RYR2: variants seen among roughly 807,000 people sequenced by gnomAD.
The protein encoded by RYR2 is cardiac muscle ryanodine receptor-calcium release channel.
RYR2 carries 227 observed loss-of-function variants against 601.1 expected under a neutral mutation model. The ratio of observed to expected loss-of-function variants is 0.38; its 90% CI spans 0.34 to 0.42. The LOEUF (loss-of-function observed/expected upper bound fraction) is 0.42. Ranked by LOEUF, RYR2 falls within the 10% of genes least tolerant of loss-of-function variation. RYR2 has a pLI of 1.00. For missense variants in RYR2, 4,646 were observed against 6,156.5 expected (o/e 0.75, Z 8.21); for synonymous variants, 2,223 against 2,175.1 (o/e 1.02, Z -0.61).
intron 16 of RYR2, among the ~76,000 whole-genome samples, chr1:237,457,595 C>T (rs1340092413): frequency 3.3e-5 from 5 of 152,186 alleles, no homozygotes; most frequent in African/African-American, 1.2e-4. Flanking sequence ...CCTGCACATG[C>T]AGCTAGTTGA....
chr1:237,265,390 C>T (rs1159537085), intron 1 of RYR2, among the ~76,000 whole-genome samples: 5 of 152,052 alleles, frequency 3.3e-5, no homozygotes, highest in East Asian at 1.9e-4. Flanking sequence ...AGCACAATCT[C>T]GGATCACTGC....
At chr1:237,654,227 A>T (rs768957110) in intron 51 of RYR2, 47 bp from the exon 52 acceptor site, 2 of 1,591,380 alleles carry the variant, frequency 1.3e-6, no homozygotes, top group South Asian at 2.3e-5. Context: ...AAAAAAATAT[A>T]AAAGGTTTTG....
At chr1:237,738,823 A>G (rs578260806) in intron 79 of RYR2, among the ~76,000 whole-genome samples, 17 of 152,208 alleles carry the variant, frequency 1.1e-4, no homozygotes, top group African/African-American at 4.1e-4. Context: ...ATTCTTATCC[A>G]TTTCACCTAT....
rs550799841 is a variant in RYR2 at position 237,308,545 on chromosome 1, C to T, written c.169-22333C>T. The stretch of plus-strand genomic sequence containing the variant: ...TCAAGAATGAAGCCGCGGACCCTTG[C>T]GGTGAGTGTTACAGTTCTTAAAGGT... On this transcript the variant is annotated intron_variant, in intron 2 of 104. Transcript: ENST00000366574. Among the ~76,000 whole-genome samples the T allele has an allele frequency of 1.5e-4, 23 of 152,178 alleles. 2 individuals are homozygous for T. Among genetic ancestry groups the T allele is most frequent in the Admixed American group, 1.1e-3 (17 of 15,290 alleles).
chr1:237,436,795 T>C lies in RYR2; in HGVS notation c.1006-4524T>C, dbSNP rs1205523408. On this transcript the variant is annotated intron_variant, in intron 12 of 104. Transcript: ENST00000366574. ...ATTTTAACTATGCTAGAAGAATTCC[T>C]CTGAACCGCATGCTCTGTATTATAA... Among the ~76,000 whole-genome samples the C allele has an allele frequency of 3.3e-5, 5 of 151,180 alleles. No individual in the cohort carries two copies. The East Asian group carries it at 7.8e-4, about 24-fold the overall frequency.
chr1:237,822,554 G>A (rs1049110607), intron 101 of RYR2, among the ~76,000 whole-genome samples: 9 of 151,996 alleles, frequency 5.9e-5, no homozygotes, highest in African/African-American at 1.4e-4. Context: ...AGGAACAACC[G>A]GTACCAGCCA....
In RYR2 at chr1:237,655,670, T is replaced by G. The variant is rs549117705; in HGVS notation, c.7966-151T>G. 1.6e-4 allele frequency: 108 copies of G among 659,052 alleles called. No individual in the cohort carries two copies. The African/African-American group carries it at 1.8e-3, about 11-fold the overall frequency. The allele number at this position is 659,052 out of a possible 1,614,324, so 40.8% of individuals were successfully genotyped here. Reference sequence around the variant, plus strand: ...CTGTTTGATGGGGTTTTAGGCCCTGTGTTTCATTTTCTGGAAAAAGAATGA... The same window carrying G: ...CTGTTTGATGGGGTTTTAGGCCCTGGGTTTCATTTTCTGGAAAAAGAATGA... On this transcript the variant is annotated intron_variant, in intron 52 of 104. Transcript: ENST00000366574.
In RYR2 at chr1:237,480,669, A is replaced by C. The variant is rs969865838; in HGVS notation, c.1709-11137A>C. On this transcript the variant is annotated intron_variant, in intron 17 of 104. Transcript: ENST00000366574. ...CCTAATTAAGGCTGCATAGTACATT[A>C]TAATTACAGTGCTCATTTTGTGTGT... Among the ~76,000 whole-genome samples, 11 of 152,172 alleles carry C rather than the reference A, an allele frequency of 7.2e-5. No individual in the cohort carries two copies. The East Asian group carries it at 2.1e-3, about 29-fold the overall frequency.
chr1:237,624,800 A>G (rs1182981021), intron 39 of RYR2, among the ~76,000 whole-genome samples: 1 of 152,158 alleles, frequency 6.6e-6, no homozygotes, highest in Non-Finnish European at 1.5e-5. Context: ...TGATTCAATG[A>G]AAGAAAATGA....
Position 237,550,670 on chromosome 1 carries a change from G to A in RYR2, c.3193G>A (p.Glu1065Lys). The A allele has an allele frequency of 1.3e-6, 2 of 1,560,406 alleles. No homozygotes were observed. Among genetic ancestry groups the A allele is most frequent in the Non-Finnish European group, 1.7e-6 (2 of 1,152,054 alleles). ...RTLLGYGYNL[E>K]APDQDHAARA... ...GCTGCTGGGGTACGGCTACAACTTG[G>A]AAGCACCAGATCAAGATCATGGTAT... The change falls in exon 27 of 105, where the codon GAA becomes AAA. Residue 1065 changes from glutamate (E) to lysine (K), a missense_variant. Transcript: ENST00000366574.
rs952213347 is a variant in RYR2, at chr1:237,783,997, C to T, written c.12285C>T (p.Gly4095=). 6.2e-7 allele frequency: 1 copy of T among 1,613,766 alleles called. No homozygotes were observed. The highest frequency in any genetic ancestry group is 1.3e-5 in the African/African-American group (1 of 74,926). The change falls in exon 90 of 105, where the codon GGC becomes GGT. Residue 4095 remains glycine, a synonymous_variant. Transcript: ENST00000366574. ...KRFHEPAKDI[G]FNVAVLLTNL... is the part of the protein sequence containing the mutation. The stretch of plus-strand genomic sequence containing the variant: ...TCCACGAACCTGCGAAGGACATCGG[C>T]TTCAACGTCGCCGTCCTTCTGACAA...
chr1:237,678,224 G>T (rs564512132), intron 61 of RYR2, 112 bp downstream of exon 61: 2 of 632,698 alleles, frequency 3.2e-6, no homozygotes, highest in South Asian at 3.7e-5. Flanking sequence ...GTATTTTACT[G>T]CACGTAAATA....
intron 63 of RYR2, among the ~76,000 whole-genome samples, chr1:237,697,009 T>C (rs1171557558): frequency 6.6e-6 from 1 of 152,044 alleles, no homozygotes; most frequent in Non-Finnish European, 1.5e-5. Flanking sequence ...AATGTCTTCC[T>C]ACCGCACTGA....
At chr1:237,673,469 A>G (rs1573460477) in intron 58 of RYR2, among the ~76,000 whole-genome samples, 1 of 152,272 alleles carries the variant, frequency 6.6e-6, no homozygotes, top group Admixed American at 6.5e-5. Context: ...TATTATCAGG[A>G]TAAGTATACT....
At chr1:237,503,547 C>A in intron 22 of RYR2, 42 bp downstream of exon 22, 1 of 1,577,238 alleles carries the variant, frequency 6.3e-7, no homozygotes, top group South Asian at 1.1e-5. Flanking sequence ...GTATTGCAGT[C>A]ATGCTGATAC....
At chr1:237,563,823 T>C (rs1260004841) in intron 27 of RYR2, among the ~76,000 whole-genome samples, 2 of 152,174 alleles carry the variant, frequency 1.3e-5, no homozygotes, top group Non-Finnish European at 2.9e-5. Context: ...TTGAGTGCAC[T>C]ATACATATTT....
chr1:237,782,196 T>TC (rs1695180304), intron 89 of RYR2, among the ~76,000 whole-genome samples: 6 of 139,252 alleles, frequency 4.3e-5, no homozygotes, highest in African/African-American at 1.8e-4. Context: ...TTTTTTTTTT[T>TC]TCCTGTAGCA....
Position 237,296,951 on chromosome 1 carries a change from G to T in RYR2, c.168+26335G>T, listed in dbSNP as rs180966155. ...ATATTCGTTTAATATGGGCACTAAA[G>T]TGTAAGTTCTATATACAGTTGTATT... On this transcript the variant is annotated intron_variant, in intron 2 of 104. Coordinates refer to ENST00000366574, the MANE Select transcript of RYR2 (RefSeq NM_001035.3). 3.0e-4 allele frequency among the ~76,000 whole-genome samples: 45 copies of T among 152,292 alleles called. 1 individual carries two copies. The highest frequency in any genetic ancestry group is 1.1e-3 in the African/African-American group (44 of 41,560).
chr1:237,220,641 C>G (rs971870639), intron 1 of RYR2, among the ~76,000 whole-genome samples: 3 of 152,208 alleles, frequency 2.0e-5, no homozygotes, highest in Non-Finnish European at 2.9e-5. Flanking sequence ...TATTATCCAT[C>G]TTGCATGCAT....
Sources: gnomAD v4.1 joint callset for allele counts (sites outside exome capture counted in the v4.1 genomes callset) on GRCh38, gnomAD v4.1.1 for gene constraint, MANE v1.5 for transcripts, NCBI Gene and HGNC (gene_info 2026-07-23, HGNC 2026-07-21) for gene names.